The following PELI2 variants were observed in gnomAD, a reference collection of about 807,000 sequenced individuals.
PELI2 encodes the protein E3 ubiquitin-protein ligase pellino homolog 2.
In PELI2, 23 loss-of-function variants were observed where a neutral mutation model predicts 42.3. The observed-to-expected ratio is 0.54, with a 90% CI of 0.39 to 0.77. PELI2 has a LOEUF of 0.77. Among genes scored for constraint, PELI2 ranks in the 30% least tolerant of loss-of-function variants. PELI2 has a pLI of 0.00. For missense variants in PELI2, 463 were observed against 553.2 expected, an observed-to-expected ratio of 0.84 and a Z score of 1.64; for synonymous variants, 245 against 212.2, an observed-to-expected ratio of 1.15 and a Z score of -1.34.
At chr14:56,178,796 A>C (rs758208760) in intron 2 of PELI2, among the ~76,000 whole-genome samples, 2 of 152,238 alleles carry the variant, frequency 1.3e-5, no homozygotes, top group Non-Finnish European at 2.9e-5. Flanking sequence ...CTGCTTTAGT[A>C]TACCAAAGCA....
At chr14:56,241,855 G>T (rs1013606854) in intron 2 of PELI2, among the ~76,000 whole-genome samples, 3 of 152,120 alleles carry the variant, frequency 2.0e-5, no homozygotes, top group African/African-American at 4.8e-5. Flanking sequence ...TACAACGGTG[G>T]AACTAAGACA....
At chr14:56,165,159 T>G (rs561816652) in intron 1 of PELI2, among the ~76,000 whole-genome samples, 58 of 152,262 alleles carry the variant, frequency 3.8e-4, no homozygotes, top group African/African-American at 1.4e-3. Flanking sequence ...TGTAGGCCAT[T>G]AACAGCTATA....
At chr14:56,194,010 G>T (rs1308468011) in intron 2 of PELI2, among the ~76,000 whole-genome samples, 1 of 151,954 alleles carries the variant, frequency 6.6e-6, no homozygotes, top group African/African-American at 2.4e-5. Flanking sequence ...ATTGTTGGGG[G>T]GTCTTAATTT....
intron 2 of PELI2, among the ~76,000 whole-genome samples, chr14:56,260,151 T>G (rs1201487410): frequency 6.6e-6 from 1 of 151,976 alleles, no homozygotes; most frequent in Non-Finnish European, 1.5e-5. Context: ...GACCCAGCAA[T>G]CCCCCTCTAG....
At chr14:56,236,022 G>T (rs542647589) in intron 2 of PELI2, among the ~76,000 whole-genome samples, 2 of 152,164 alleles carry the variant, frequency 1.3e-5, no homozygotes, top group South Asian at 4.1e-4. Context: ...GTCCTAGTGG[G>T]ATTTCACCTC....
intron 2 of PELI2, among the ~76,000 whole-genome samples, chr14:56,218,090 C>T (rs116551753): frequency 0.015 from 2,213 of 152,282 alleles, 58 homozygotes; most frequent in African/African-American, 0.051. Context: ...GTAGCTAATA[C>T]GTGATAAAGC....
At chr14:56,170,366 C>A (rs1448658550) in intron 1 of PELI2, among the ~76,000 whole-genome samples, 4 of 152,226 alleles carry the variant, frequency 2.6e-5, no homozygotes, top group Non-Finnish European at 5.9e-5. Context: ...CATCCCCCTT[C>A]TTGCTCTGGT....
At chr14:56,150,735 G>A (rs909051775) in intron 1 of PELI2, among the ~76,000 whole-genome samples, 2 of 152,162 alleles carry the variant, frequency 1.3e-5, no homozygotes, top group African/African-American at 4.8e-5. Flanking sequence ...GAGTAAAAAC[G>A]ACAAAGAAGC....
chr14:56,225,325 A>G (rs1887305854), intron 2 of PELI2, among the ~76,000 whole-genome samples: 1 of 152,166 alleles, frequency 6.6e-6, no homozygotes, highest in African/African-American at 2.4e-5. Flanking sequence ...CTGAGGTATC[A>G]GGAAGGTTTC....
chr14:56,179,290 C>T (rs1379124070), intron 2 of PELI2, among the ~76,000 whole-genome samples: 8 of 152,174 alleles, frequency 5.3e-5, no homozygotes, highest in Non-Finnish European at 1.0e-4. Flanking sequence ...TTTGGACCAC[C>T]TGGCATATAA....
chr14:56,295,952 T>C (rs1271010241), intron 5 of PELI2, among the ~76,000 whole-genome samples: 1 of 152,256 alleles, frequency 6.6e-6, no homozygotes, highest in African/African-American at 2.4e-5. Context: ...GAGGCAGCGG[T>C]CACGTTCTTG....
At chr14:56,195,473 T>C (rs1271898202) in intron 2 of PELI2, among the ~76,000 whole-genome samples, 1 of 152,132 alleles carries the variant, frequency 6.6e-6, no homozygotes, top group Admixed American at 6.6e-5. Context: ...AGCTTTCCAC[T>C]GCATCTGTCC....
chr14:56,153,601 A>G (rs987130650), intron 1 of PELI2, among the ~76,000 whole-genome samples: 2 of 152,234 alleles, frequency 1.3e-5, no homozygotes, highest in Non-Finnish European at 2.9e-5. Flanking sequence ...TAAAAATTTG[A>G]CTAATATTCT....
At chr14:56,176,525 C>T (rs1885393144) in intron 1 of PELI2, among the ~76,000 whole-genome samples, 1 of 152,138 alleles carries the variant, frequency 6.6e-6, no homozygotes. Flanking sequence ...TAACTGCCAC[C>T]TGCGAACCTT....
chr14:56,295,656 A>G (rs981383914), intron 5 of PELI2, among the ~76,000 whole-genome samples: 14 of 152,214 alleles, frequency 9.2e-5, no homozygotes, highest in Non-Finnish European at 1.6e-4. Context: ...ATCTAACACA[A>G]CCACCTTTTC....
chr14:56,217,497 G>T (rs1594649154), intron 2 of PELI2, among the ~76,000 whole-genome samples: 1 of 152,212 alleles, frequency 6.6e-6, no homozygotes, highest in African/African-American at 2.4e-5. Flanking sequence ...TTGGCCAGGG[G>T]TCCACCAGAG....
At chr14:56,128,502 C>G (rs1363619125) in intron 1 of PELI2, among the ~76,000 whole-genome samples, 1 of 152,134 alleles carries the variant, frequency 6.6e-6, no homozygotes, top group African/African-American at 2.4e-5. Flanking sequence ...TTGATTATTT[C>G]CACCAGGGTG....
At chr14:56,155,831 C>G (rs368805017) in intron 1 of PELI2, among the ~76,000 whole-genome samples, 5 of 152,122 alleles carry the variant, frequency 3.3e-5, no homozygotes, top group African/African-American at 1.2e-4. Context: ...GATCCGCCCC[C>G]CCTCAGCCTC....
chr14:56,170,273 C>T lies in PELI2; in HGVS notation c.78-8062C>T, dbSNP rs189903915. The stretch of plus-strand genomic sequence containing the variant: ...CCACTTCTGGAGCCCACATCGCTTC[C>T]ATTCCATGTGGATGTCGCTGTAAGA... On this transcript the variant is annotated intron_variant, in intron 1 of 5. Transcript: ENST00000267460. 5.3e-5 allele frequency among the ~76,000 whole-genome samples: 8 copies of T among 152,304 alleles called. No individual in the cohort carries two copies. The East Asian group carries it at 1.5e-3, about 29-fold the overall frequency.
Sources: allele counts gnomAD v4.1 joint callset (sites outside exome capture counted in the v4.1 genomes callset), GRCh38; gene constraint gnomAD v4.1.1; transcripts MANE v1.5; gene names NCBI Gene and HGNC (gene_info 2026-07-23, HGNC 2026-07-21).